The following ALB variants were observed in gnomAD, a reference collection of about 807,000 sequenced individuals.
The protein encoded by ALB is albumin, also known as serum albumin.
ALB carries 37 observed loss-of-function variants against 74.5 expected under a neutral mutation model. That is an observed-to-expected ratio of 0.50 (90% CI 0.38 to 0.65). ALB has a LOEUF of 0.65. Ranked by LOEUF, ALB falls within the 30% of genes least tolerant of loss-of-function variation. The probability of loss-of-function intolerance (pLI) is 0.00; values close to 1 mark genes in which losing one functional copy is unlikely to be tolerated. For missense variants in ALB, 685 were observed against 718.7 expected (o/e 0.95, Z 0.54); for synonymous variants, 249 against 251.6 (o/e 0.99, Z 0.10).
At chr4:73,405,971 G>A (rs577891813) in intron 2 of ALB, among the ~76,000 whole-genome samples, 7 of 152,042 alleles carry the variant, frequency 4.6e-5, no homozygotes, top group East Asian at 1.9e-4. Context: ...AATTAAAGAC[G>A]TGTGTGGGGA....
intron 5 of ALB, among the ~76,000 whole-genome samples, chr4:73,409,750 A>T (rs1718825976): frequency 1.3e-5 from 2 of 152,160 alleles, no homozygotes; most frequent in African/African-American, 4.8e-5. Context: ...GGTGGTGATC[A>T]CTATAGTGAA....
At chr4:73,419,341 T>C (rs1719089846) in intron 12 of ALB, 166 bp from the exon 13 acceptor site, 4 of 687,084 alleles carry the variant, frequency 5.8e-6, no homozygotes, top group Non-Finnish European at 9.6e-6. Flanking sequence ...CAGATGAGAA[T>C]ATTGAGACTT....
intron 9 of ALB, 119 bp downstream of exon 9, chr4:73,415,286 G>A: frequency 8.0e-7 from 1 of 1,252,666 alleles, no homozygotes; most frequent in Non-Finnish European, 1.1e-6. Context: ...TTCTTGAGAT[G>A]GTTTCAATTC....
Position 73,421,269 on chromosome 4 carries a change from G to C in ALB, c.*201G>C, listed in dbSNP as rs897420818. The C allele has an allele frequency of 2.6e-5, 12 of 459,564 alleles. No individual in the cohort carries two copies. The South Asian group carries it at 2.9e-4, about 11-fold the overall frequency. 28.5% of individuals were successfully genotyped at this position (459,564 alleles called of 1,614,324 possible). On this transcript the variant is annotated 3_prime_UTR_variant, in exon 15 of 15. Coordinates refer to ENST00000295897, the MANE Select transcript of ALB (RefSeq NM_000477.7). The stretch of plus-strand genomic sequence containing the variant: ...GGAAAGAATCTAATAGAGTGGTACA[G>C]CACTGTTATTTTTCAAAGATGTGTT...
At chr4:73,412,687 C>T (rs2149328333) in intron 7 of ALB, among the ~76,000 whole-genome samples, 1 of 152,244 alleles carries the variant, frequency 6.6e-6, no homozygotes, top group South Asian at 2.1e-4. Context: ...TCAGGTGATC[C>T]ACCCGCCTTG....
chr4:73,404,516 A>C (rs1321823482), intron 1 of ALB, 110 bp downstream of exon 1: 10 of 917,604 alleles, frequency 1.1e-5, no homozygotes, highest in Non-Finnish European at 1.8e-5. Flanking sequence ...TATTTCTAAA[A>C]TGGCATAGTA....
At position 73,405,742 on chromosome 4, in the gene ALB, C is replaced by T. The variant is rs545985213; in HGVS notation, c.137+569C>T. Among the ~76,000 whole-genome samples the T allele has an allele frequency of 7.2e-5, 11 of 152,096 alleles. No homozygotes were observed. In the South Asian group the frequency reaches 2.1e-3, roughly 29 times the overall value. ...AGTAGCTGGGACTACAGGCGCCCGC[C>T]ATCACGCCCGGCTAATCTTTTGTAT... On this transcript the variant is annotated intron_variant, in intron 2 of 14. Transcript: ENST00000295897.
intron 14 of ALB, 71 bp downstream of exon 14, chr4:73,420,392 T>A (rs111752593): frequency 2.0e-5 from 21 of 1,070,426 alleles, no homozygotes; most frequent in African/African-American, 1.6e-5. Context: ...GATTGACCAT[T>A]TCCAAGAGCC....
At chr4:73,419,718 A>G (rs1475496188) in intron 13 of ALB, 79 bp downstream of exon 13, 7 of 1,533,362 alleles carry the variant, frequency 4.6e-6, no homozygotes, top group East Asian at 2.2e-5. Context: ...AGGGATTTAT[A>G]TATCAAAGGA....
At chr4:73,407,456 G>T (rs1437685358) in intron 3 of ALB, among the ~76,000 whole-genome samples, 3 of 152,184 alleles carry the variant, frequency 2.0e-5, no homozygotes, top group African/African-American at 7.2e-5. Context: ...TTTCAAGGCT[G>T]AATAATATTC....
chr4:73,406,277 C>A (rs995419955), intron 2 of ALB, among the ~76,000 whole-genome samples: 4 of 152,120 alleles, frequency 2.6e-5, no homozygotes, highest in Non-Finnish European at 2.9e-5. Flanking sequence ...AAAAGGAAAT[C>A]TGTGGGGTTT....
intron 1 of ALB, chr4:73,404,797 A>G (rs1718676375): frequency 2.9e-6 from 1 of 350,850 alleles, no homozygotes; most frequent in Non-Finnish European, 5.2e-6. Flanking sequence ...TTGTATTTAT[A>G]TTTATTTTCA....
chr4:73,419,529 C>T lies in ALB; in HGVS notation c.1675C>T (p.His559Tyr), dbSNP rs1421889284. The change falls in exon 13 of 15, where the codon CAC becomes TAC. Residue 559 changes from histidine to tyrosine, a missense_variant. Transcript: ENST00000295897. ...CAGTGCACTTGTTGAGCTCGTGAAA[C>T]ACAAGCCCAAGGCAACAAAAGAGCA... ...KQTALVELVK[H>Y]KPKATKEQLK... The T allele has an allele frequency of 6.2e-7, 1 of 1,612,372 alleles. No individual in the cohort carries two copies. The highest frequency in any genetic ancestry group is 8.5e-7 in the Non-Finnish European group (1 of 1,179,276).
intron 13 of ALB, 75 bp downstream of exon 13, chr4:73,419,714 T>G (rs956709939): frequency 2.8e-5 from 44 of 1,549,672 alleles, no homozygotes; most frequent in Non-Finnish European, 3.6e-5. Context: ...GCTTAGGGAT[T>G]TATATATCAA....
At chr4:73,416,235 C>T (rs772483245) in intron 9 of ALB, 21 bp from the exon 10 acceptor site, 10 of 1,597,876 alleles carry the variant, frequency 6.3e-6, no homozygotes, top group African/African-American at 2.7e-5. Flanking sequence ...ATACTATTAA[C>T]ACAATTCTTT....
intron 11 of ALB, 49 bp from the exon 12 acceptor site, chr4:73,418,039 T>A (rs772951930): frequency 2.5e-6 from 4 of 1,583,120 alleles, no homozygotes; most frequent in South Asian, 1.1e-5. Context: ...TAGTAGAAAA[T>A]TTTCAGCTTC....
At chr4:73,415,766 C>A (rs146384868) in intron 9 of ALB, among the ~76,000 whole-genome samples, 2 of 152,006 alleles carry the variant, frequency 1.3e-5, no homozygotes, top group East Asian at 3.9e-4. Context: ...CAATGACCAA[C>A]GTAAAATCTC....
At chr4:73,415,598 T>C (rs1339773360) in intron 9 of ALB, among the ~76,000 whole-genome samples, 1 of 152,192 alleles carries the variant, frequency 6.6e-6, no homozygotes, top group Non-Finnish European at 1.5e-5. Context: ...TGTTTAGGAA[T>C]AGTTTTACAA....
At chr4:73,413,905 A>G (rs555908771) in intron 8 of ALB, among the ~76,000 whole-genome samples, 1 of 152,324 alleles carries the variant, frequency 6.6e-6, no homozygotes, top group South Asian at 2.1e-4. Context: ...GTGTATATAT[A>G]AATTATGTAT....
Sources: gnomAD v4.1 joint callset for allele counts (sites outside exome capture counted in the v4.1 genomes callset) on GRCh38, gnomAD v4.1.1 for gene constraint, MANE v1.5 for transcripts, NCBI Gene and HGNC (gene_info 2026-07-23, HGNC 2026-07-21) for gene names.